The following KIF7 variants were observed in gnomAD, a reference collection of about 807,000 sequenced individuals.
The protein encoded by KIF7 is kinesin family member 7, also known as kinesin-like protein KIF7.
KIF7 carries 104 observed loss-of-function variants against 135.7 expected under a neutral mutation model. The ratio of observed to expected loss-of-function variants is 0.77; its 90% CI spans 0.65 to 0.90. KIF7 has a LOEUF of 0.90. Ranked by LOEUF, KIF7 falls within the 40% of genes least tolerant of loss-of-function variation. KIF7 has a pLI of 0.00. For synonymous variants in KIF7, 883 were observed against 809.4 expected (o/e 1.09, Z -1.54); for missense variants, 2,005 against 1,839.1 (o/e 1.09, Z -1.65).
At chr15:89,648,926 C>T in intron 4 of KIF7, 48 bp downstream of exon 4, 1 of 1,487,536 alleles carries the variant, frequency 6.7e-7, no homozygotes, top group Admixed American at 2.1e-5. Flanking sequence ...CTGGACACTC[C>T]CCGCCTCCCC....
chr15:89,659,396 G>A (rs1270069629), upstream of KIF7, among the ~76,000 whole-genome samples: 4 of 149,916 alleles, frequency 2.7e-5, no homozygotes. Context: ...GCAAGACCCT[G>A]TCTCAAAAAG....
At chr15:89,642,798 AC>A (rs1414890305) in intron 10 of KIF7, among the ~76,000 whole-genome samples, 2 of 152,052 alleles carry the variant, frequency 1.3e-5, no homozygotes, top group East Asian at 3.9e-4. Context: ...CGAACTCCTG[AC>A]CTCTGGTGAT....
intron 11 of KIF7, 113 bp from the exon 12 acceptor site, chr15:89,633,996 T>C (rs79441424): frequency 1.6e-5 from 18 of 1,103,946 alleles, no homozygotes; most frequent in East Asian, 4.9e-5. Flanking sequence ...AGGTGGGTGA[T>C]AGACCAATAA....
chr15:89,647,794 T>C, intron 5 of KIF7, 82 bp from the exon 6 acceptor site: 5 of 1,081,222 alleles, frequency 4.6e-6, no homozygotes, highest in Non-Finnish European at 6.7e-6. Flanking sequence ...TTAGCCCTGC[T>C]TTCTATCTAC....
chr15:89,639,916 G>T (rs1963885994), intron 11 of KIF7, among the ~76,000 whole-genome samples: 1 of 152,146 alleles, frequency 6.6e-6, no homozygotes, highest in South Asian at 2.1e-4. Context: ...TGATAGACTG[G>T]ATTAAGAAAA....
At position 89,637,746 on chromosome 15, in the gene KIF7, G is replaced by A. The variant is rs913700514; in HGVS notation, c.2395-3863C>T. ...AGCCGAATTCTACCAGAGGTACAAGGAGGAACTGGTACTATTCCTTCTGAA... is the reference window on the plus strand; with the variant it reads ...AGCCGAATTCTACCAGAGGTACAAGAAGGAACTGGTACTATTCCTTCTGAA... On this transcript the variant is annotated intron_variant, in intron 11 of 18. Transcript: ENST00000394412. 4.8e-5 allele frequency among the ~76,000 whole-genome samples: 7 copies of A among 145,592 alleles called. No individual in the cohort carries two copies. The South Asian group carries it at 9.5e-4, about 20-fold the overall frequency.
At chr15:89,659,212 G>T (rs1362709926), upstream of KIF7, among the ~76,000 whole-genome samples, 1 of 152,078 alleles carries the variant, frequency 6.6e-6, no homozygotes, top group Non-Finnish European at 1.5e-5. Flanking sequence ...TAGTATTCAG[G>T]AAATATAAAG....
chr15:89,630,208 C>G, intron 16 of KIF7, 79 bp downstream of exon 16: 2 of 1,351,644 alleles, frequency 1.5e-6, no homozygotes, highest in Non-Finnish European at 2.1e-6. Flanking sequence ...ACGGGATATC[C>G]GCTGGAGCAG....
At chr15:89,624,975 C>T (rs762966939), downstream of KIF7, 4 of 1,614,086 alleles carry the variant, frequency 2.5e-6, no homozygotes, top group East Asian at 6.7e-5. Flanking sequence ...ACTCTGCCAG[C>T]CCACAGACCT....
chr15:89,622,915 C>A (rs1468592721), intron 1 of KIF7, among the ~76,000 whole-genome samples: 1 of 152,200 alleles, frequency 6.6e-6, no homozygotes, highest in African/African-American at 2.4e-5. Flanking sequence ...TGATGCCCCT[C>A]GCATGTCCCT....
chr15:89,641,392 G>T (rs975284241), intron 11 of KIF7, among the ~76,000 whole-genome samples: 1 of 152,200 alleles, frequency 6.6e-6, no homozygotes, highest in African/African-American at 2.4e-5. Flanking sequence ...CTAGTCTACG[G>T]AAGTTTGCTA....
intron 10 of KIF7, 112 bp downstream of exon 10, chr15:89,644,898 GCCA>G: frequency 7.2e-6 from 10 of 1,393,720 alleles, no homozygotes; most frequent in Non-Finnish European, 1.0e-5. Flanking sequence ...TCAAACCTAG[GCCA>G]TCCGGCCCCT....
At chr15:89,660,242 A>AG (rs1201285159), upstream of KIF7, among the ~76,000 whole-genome samples, 4 of 152,188 alleles carry the variant, frequency 2.6e-5, no homozygotes, top group Admixed American at 2.6e-4. Flanking sequence ...TATTGACAGG[A>AG]GAGTGATGTG....
chr15:89,656,934 C>T (rs1425742949), upstream of KIF7, among the ~76,000 whole-genome samples: 1 of 152,136 alleles, frequency 6.6e-6, no homozygotes, highest in Non-Finnish European at 1.5e-5. Flanking sequence ...TGTGAAGAAG[C>T]TGAAAACTGA....
In KIF7 at chr15:89,655,220, CAAGG is replaced by C. The variant is rs1964189822; in HGVS notation, c.-25+175_-25+178del. ...GTCGGGAAGACGGCGCCGGCCAGTC[CAAGG>C]AAGAGCTTCCAGGAGGCTGGGGAGC... On this transcript the variant is annotated intron_variant, in intron 1 of 18. Coordinates refer to ENST00000394412, the MANE Select transcript of KIF7 (RefSeq NM_198525.3). Among the ~76,000 whole-genome samples the C allele has an allele frequency of 3.3e-5, 5 of 152,206 alleles. No homozygotes were observed. In the South Asian group the frequency reaches 1.0e-3, roughly 31 times the overall value.
Position 89,631,708 on chromosome 15 carries a change from G to A in KIF7, c.2898C>T (p.Ala966=), listed in dbSNP as rs1963681994. 1 of 1,551,034 alleles carries A rather than the reference G, an allele frequency of 6.4e-7. No homozygotes were observed. The highest frequency in any genetic ancestry group is 8.7e-7 in the Non-Finnish European group (1 of 1,146,222). Residue 966 remains alanine, a splice_region_variant and synonymous_variant, in exon 15 of 19, where the codon GCC becomes GCT. Coordinates refer to ENST00000394412, the MANE Select transcript of KIF7 (RefSeq NM_198525.3). ...LESKRLRSSQ[A]LNEDIVRVSS... ...ACACTCGCACGATGTCCTCGTTGAG[G>A]GCCTGGGGGCAGAATCACCAGGGAT...
chr15:89,630,868 G>A (rs771836302), intron 15 of KIF7: 3 of 376,732 alleles, frequency 8.0e-6, no homozygotes, highest in African/African-American at 2.1e-5. Flanking sequence ...AGGCGTTTTC[G>A]ACGTCGTGCA....
chr15:89,620,912 AC>A (rs1352657118), intron 1 of KIF7, among the ~76,000 whole-genome samples: 2 of 149,786 alleles, frequency 1.3e-5, no homozygotes, highest in Non-Finnish European at 3.0e-5. Flanking sequence ...TTTAGTAGAG[AC>A]AGGTTTCACT....
intron 16 of KIF7, 70 bp from the exon 17 acceptor site, chr15:89,629,643 G>A (rs1336152795): frequency 6.3e-7 from 1 of 1,592,352 alleles, no homozygotes; most frequent in Non-Finnish European, 8.5e-7. Context: ...CTCAATCACA[G>A]ACACAGTATT....
Sources: gnomAD v4.1 joint callset for allele counts (sites outside exome capture counted in the v4.1 genomes callset) on GRCh38, gnomAD v4.1.1 for gene constraint, MANE v1.5 for transcripts, NCBI Gene and HGNC (gene_info 2026-07-23, HGNC 2026-07-21) for gene names.